ARFGEF2: variants seen among roughly 807,000 people sequenced by gnomAD.
ARFGEF2 encodes ARF guanine nucleotide exchange factor 2, also known as brefeldin A-inhibited guanine nucleotide-exchange protein 2.
Under a neutral mutation model 219.9 loss-of-function variants are expected in ARFGEF2, and 74 were observed. The observed-to-expected ratio is 0.34, with a 90% CI of 0.28 to 0.41. The LOEUF is 0.41. ARFGEF2 is among the 10% of genes least tolerant of loss of function. The probability of loss-of-function intolerance (pLI) is 1.00; values close to 1 mark genes in which losing one functional copy is unlikely to be tolerated. For missense variants in ARFGEF2, 1,743 were observed against 2,218.3 expected, an observed-to-expected ratio of 0.79 and a Z score of 4.30; for synonymous variants, 733 against 799.2, an observed-to-expected ratio of 0.92 and a Z score of 1.40.
rs1367988928 is a variant in ARFGEF2 at position 48,984,850 on chromosome 20, G to T, written c.2070+10G>T. 2 of 1,612,268 alleles carry T rather than the reference G, an allele frequency of 1.2e-6. No individual in the cohort carries two copies. Among genetic ancestry groups the T allele is most frequent in the Non-Finnish European group, 1.7e-6 (2 of 1,180,010 alleles). On this transcript the variant is annotated intron_variant, in intron 15 of 38. Coordinates refer to ENST00000371917, the MANE Select transcript of ARFGEF2 (RefSeq NM_006420.3). ...GGAGCGCCTGGATTCCGTAAGGCTT[G>T]GGGGTGTAGCACTTGCATGTGAGTT...
intron 3 of ARFGEF2, among the ~76,000 whole-genome samples, chr20:48,950,811 A>AAATATAT (rs1176537072): frequency 6.2e-5 from 4 of 64,512 alleles, no homozygotes; most frequent in South Asian, 6.1e-4. Flanking sequence ...AAAAAAAAAA[A>AAATATAT]ATATATATAT....
chr20:48,969,383 T>C, intron 9 of ARFGEF2, 106 bp downstream of exon 9: 1 of 1,601,806 alleles, frequency 6.2e-7, no homozygotes, highest in South Asian at 1.1e-5. Context: ...GTCATGTCTC[T>C]TTGTCAGTGT....
chr20:48,966,783 A>T (rs1052117992), intron 8 of ARFGEF2, among the ~76,000 whole-genome samples: 18 of 152,176 alleles, frequency 1.2e-4, no homozygotes, highest in African/African-American at 4.3e-4. Flanking sequence ...AATGCCAGCA[A>T]TAAACTGGAT....
intron 20 of ARFGEF2, 49 bp from the exon 21 acceptor site, chr20:48,990,991 C>T (rs2091354430): frequency 6.3e-7 from 1 of 1,590,560 alleles, no homozygotes; most frequent in African/African-American, 1.3e-5. Context: ...GTGAGAATGG[C>T]CACACTAAGG....
At chr20:48,981,124 GT>G (rs2091293080) in intron 14 of ARFGEF2, among the ~76,000 whole-genome samples, 1 of 152,208 alleles carries the variant, frequency 6.6e-6, no homozygotes, top group South Asian at 2.1e-4. Flanking sequence ...TGTACCAGTT[GT>G]TCCTTTCTAT....
At chr20:48,925,923 A>G (rs939993007) in intron 1 of ARFGEF2, among the ~76,000 whole-genome samples, 3 of 152,224 alleles carry the variant, frequency 2.0e-5, no homozygotes, top group Admixed American at 6.5e-5. Context: ...AAAGAATAGT[A>G]AACATACGTA....
At chr20:48,922,932 G>A (rs1230024252) in intron 1 of ARFGEF2, among the ~76,000 whole-genome samples, 1 of 152,166 alleles carries the variant, frequency 6.6e-6, no homozygotes, top group Non-Finnish European at 1.5e-5. Flanking sequence ...AAGAAAATAG[G>A]TGAGGTATTT....
rs371551603 is a variant in ARFGEF2 at position 48,961,083 on chromosome 20, T to TATAATAATAATAATAATAATAATA, written c.839-2741_839-2718dup. ...AACAGAGCGAGACTCTGTCTCAAAA[T>TATAATAATAATAATAATAATAATA]ATAATAATAATAATAATAATAATAA... On this transcript the variant is annotated intron_variant, in intron 6 of 38. Coordinates refer to ENST00000371917, the MANE Select transcript of ARFGEF2 (RefSeq NM_006420.3). Among the ~76,000 whole-genome samples, 830 of 143,988 alleles carry TATAATAATAATAATAATAATAATA rather than the reference T, an allele frequency of 5.8e-3. 4 individuals carry two copies. The highest frequency in any genetic ancestry group is 0.015 in the East Asian group (72 of 4,722). The allele number at this position is 143,988 out of a possible 152,430, so 94.5% of individuals were successfully genotyped here.
At chr20:48,939,832 A>G (rs545866984) in intron 1 of ARFGEF2, among the ~76,000 whole-genome samples, 1 of 152,328 alleles carries the variant, frequency 6.6e-6, no homozygotes, top group East Asian at 1.9e-4. Flanking sequence ...GGAGTTACCT[A>G]AGAAAAGGAA....
chr20:48,946,380 C>T (rs1034508478), intron 3 of ARFGEF2, among the ~76,000 whole-genome samples: 3 of 152,178 alleles, frequency 2.0e-5, no homozygotes, highest in East Asian at 3.9e-4. Context: ...GTCTGCTACA[C>T]GCTTCCCCGC....
chr20:49,000,180 A>G (rs1301124341), intron 25 of ARFGEF2, among the ~76,000 whole-genome samples: 1 of 152,238 alleles, frequency 6.6e-6, no homozygotes, highest in Admixed American at 6.5e-5. Flanking sequence ...AAGCATTGTC[A>G]TATGTAGGCT....
intron 25 of ARFGEF2, 142 bp downstream of exon 25, chr20:48,998,647 G>A: frequency 1.3e-6 from 1 of 792,576 alleles, no homozygotes. Context: ...AGGACAGCTT[G>A]ATAGGAGTAA....
chr20:48,995,910 G>C (rs1395633697), intron 23 of ARFGEF2, 28 bp downstream of exon 23: 2 of 1,597,308 alleles, frequency 1.3e-6, no homozygotes, highest in African/African-American at 1.3e-5. Context: ...CAGTGACCCT[G>C]AACTACACAG....
intron 1 of ARFGEF2, among the ~76,000 whole-genome samples, chr20:48,938,700 T>C (rs959138380): frequency 8.5e-5 from 13 of 152,160 alleles, no homozygotes; most frequent in Non-Finnish European, 1.6e-4. Context: ...CAATTGAAGG[T>C]GTTTGAATTA....
chr20:48,936,836 G>A (rs1171084049), intron 1 of ARFGEF2, among the ~76,000 whole-genome samples: 3 of 151,878 alleles, frequency 2.0e-5, no homozygotes, highest in Non-Finnish European at 2.9e-5. Flanking sequence ...CTTGATTTAC[G>A]TTTCTCTAAT....
In ARFGEF2 at chr20:48,976,039, G is replaced by A. The variant is rs763800092; in HGVS notation, c.1798G>A (p.Glu600Lys). Residue 600 changes from glutamate (E) to lysine (K), a missense_variant, in exon 14 of 39, where the codon GAA (glutamate) becomes AAA (lysine). Around this residue, in one of 5 missense-constraint regions of ARFGEF2, gnomAD observed 666 missense variants for 955.4 expected, o/e 0.70. Coordinates refer to ENST00000371917, the MANE Select transcript of ARFGEF2 (RefSeq NM_006420.3). ...AGGTCAGGAGAGGCTCACGGATCAG[G>A]AAATAGGGGATGGGAAAGGCCTTGA... is the stretch of plus-strand genomic sequence containing the variant. ...SLGQERLTDQ[E>K]IGDGKGLDMA... The A allele has an allele frequency of 8.7e-6, 14 of 1,612,514 alleles. No individual in the cohort carries two copies. In the South Asian group the frequency reaches 1.5e-4, roughly 18 times the overall value.
At chr20:48,984,687 T>C in intron 14 of ARFGEF2, 42 bp from the exon 15 acceptor site, 1 of 1,613,404 alleles carries the variant, frequency 6.2e-7, no homozygotes, top group Admixed American at 1.7e-5. Flanking sequence ...ATCCTCCAGA[T>C]TTTGAAATAA....
chr20:49,013,473 A>G (rs930039264), intron 28 of ARFGEF2, 91 bp from the exon 29 acceptor site: 12 of 1,545,166 alleles, frequency 7.8e-6, no homozygotes, highest in Non-Finnish European at 9.8e-6. Flanking sequence ...GGAGAGAAAA[A>G]TGTGTGGGGC....
At chr20:48,965,805 G>T in intron 7 of ARFGEF2, 67 bp from the exon 8 acceptor site, 6 of 1,589,522 alleles carry the variant, frequency 3.8e-6, no homozygotes, top group Admixed American at 1.7e-5. Context: ...CTTCTTTTTG[G>T]TGTCAGGCAG....
Sources: gnomAD v4.1 joint callset for allele counts (sites outside exome capture counted in the v4.1 genomes callset) on GRCh38, gnomAD v4.1.1 for gene constraint, gnomAD v4.1.1 regional missense constraint, MANE v1.5 for transcripts, NCBI Gene and HGNC (gene_info 2026-07-23, HGNC 2026-07-21) for gene names.